The following LGR4 variants were observed in gnomAD, a reference collection of about 807,000 sequenced individuals.
The protein encoded by LGR4 is leucine-rich repeat-containing G protein-coupled receptor 4.
Under a neutral mutation model 84.8 loss-of-function variants are expected in LGR4, and 44 were observed. That is an observed-to-expected ratio of 0.52 (90% CI 0.41 to 0.67). The LOEUF is 0.67. LGR4 is among the 30% of genes least tolerant of loss of function. The pLI is 0.00. For synonymous variants in LGR4, 429 were observed against 434.3 expected (o/e 0.99, Z 0.15); for missense variants, 1,032 against 1,131.4 (o/e 0.91, Z 1.26).
At chr11:27,449,848 T>G (rs1342619178) in intron 1 of LGR4, among the ~76,000 whole-genome samples, 1 of 152,190 alleles carries the variant, frequency 6.6e-6, no homozygotes, top group African/African-American at 2.4e-5. Context: ...CTATGCTTCC[T>G]GATCAATATT....
chr11:27,417,173 A>G (rs531336087), intron 1 of LGR4, among the ~76,000 whole-genome samples: 1 of 152,248 alleles, frequency 6.6e-6, no homozygotes, highest in East Asian at 1.9e-4. Context: ...TATCTCAAAT[A>G]TTATCTGGCA....
In LGR4 at chr11:27,377,097, G is replaced by A. The variant is rs74917347; in HGVS notation, c.1109+61C>T. On this transcript the variant is annotated intron_variant, in intron 12 of 17. Coordinates refer to ENST00000379214, the MANE Select transcript of LGR4 (RefSeq NM_018490.5). ...TATTAAAGCCATCTATTAAAAATAC[G>A]AAATGCTCAACAAACTAACAATACA... The A allele has an allele frequency of 4.7e-3, 4,447 of 954,318 alleles. 141 individuals carry two copies. The African/African-American group carries it at 0.067, about 14-fold the overall frequency. The allele number at this position is 954,318 out of a possible 1,614,324, so 59.1% of individuals were successfully genotyped here. A position where few individuals can be genotyped will look rare whatever the true frequency, so the allele number is the denominator to read the frequency against.
intron 1 of LGR4, among the ~76,000 whole-genome samples, chr11:27,452,503 G>A (rs1244935450): frequency 2.6e-5 from 4 of 151,792 alleles, no homozygotes; most frequent in Admixed American, 1.3e-4. Flanking sequence ...GCCCTCCTGC[G>A]ACACTTTTCT....
chr11:27,442,427 G>C (rs1018308105), intron 1 of LGR4, among the ~76,000 whole-genome samples: 1 of 152,096 alleles, frequency 6.6e-6, no homozygotes, highest in Non-Finnish European at 1.5e-5. Context: ...CTACCTTGCC[G>C]CAAAACTTTA....
At chr11:27,422,098 C>T (rs779525272) in intron 1 of LGR4, among the ~76,000 whole-genome samples, 6 of 152,152 alleles carry the variant, frequency 3.9e-5, no homozygotes, top group Non-Finnish European at 8.8e-5. Flanking sequence ...CCAAAACACA[C>T]AGACAAAATA....
chr11:27,377,711 G>A (rs1007416147), intron 11 of LGR4, among the ~76,000 whole-genome samples: 7 of 152,020 alleles, frequency 4.6e-5, no homozygotes, highest in Non-Finnish European at 8.8e-5. Context: ...TTAAAAAACA[G>A]TTATATTACA....
intron 1 of LGR4, among the ~76,000 whole-genome samples, chr11:27,413,302 C>T (rs950097848): frequency 2.0e-5 from 3 of 152,100 alleles, no homozygotes; most frequent in Non-Finnish European, 4.4e-5. Context: ...CTACCCTAGT[C>T]ATATTTTCTT....
At chr11:27,456,589 A>C (rs1864580667) in intron 1 of LGR4, among the ~76,000 whole-genome samples, 1 of 152,200 alleles carries the variant, frequency 6.6e-6, no homozygotes, top group Non-Finnish European at 1.5e-5. Context: ...TTAGAAACAG[A>C]AAAGTGAGTC....
rs557463170 is a variant in LGR4 at position 27,450,715 on chromosome 11, G to A, written c.185+21403C>T. Among the ~76,000 whole-genome samples the A allele has an allele frequency of 4.1e-3, 622 of 152,256 alleles. 6 individuals carry two copies. Among genetic ancestry groups the A allele is most frequent in the Middle Eastern group, 0.01 (3 of 294 alleles). On this transcript the variant is annotated intron_variant, in intron 1 of 17. Transcript: ENST00000379214. ...AGGCAGGAGAATCCCTTGAACCCGG[G>A]AGGCAGAGGTTACGGTGAGCTGAGA...
At position 27,378,773 on chromosome 11, in the gene LGR4, G is replaced by A. The variant is rs764424769; in HGVS notation, c.972-5C>T. 5.1e-5 allele frequency: 81 copies of A among 1,600,866 alleles called. No homozygotes were observed. The highest frequency in any genetic ancestry group is 2.9e-4 in the Admixed American group (17 of 58,752). On this transcript the variant is annotated splice_polypyrimidine_tract_variant and splice_region_variant and intron_variant, in intron 10 of 17. Coordinates refer to ENST00000379214, the MANE Select transcript of LGR4 (RefSeq NM_018490.5). ...ATCTTTGTACCTGTCAAAGTCCTGC[G>A]GAAAAACATTATTCATGTAAGAAAT...
intron 6 of LGR4, 74 bp downstream of exon 6, chr11:27,384,262 C>A (rs1863148178): frequency 1.1e-6 from 1 of 943,502 alleles, no homozygotes; most frequent in East Asian, 2.4e-5. Flanking sequence ...ATATTTTTTT[C>A]TTTTTCTGCA....
chr11:27,379,742 C>T (rs574939110), intron 10 of LGR4, among the ~76,000 whole-genome samples: 18 of 152,284 alleles, frequency 1.2e-4, no homozygotes, highest in East Asian at 9.7e-4. Flanking sequence ...AAATGTGCAA[C>T]GTTCAAAGCT....
chr11:27,461,244 T>G (rs1273779044), intron 1 of LGR4, among the ~76,000 whole-genome samples: 1 of 151,950 alleles, frequency 6.6e-6, no homozygotes, highest in African/African-American at 2.4e-5. Context: ...GGCTCACACC[T>G]GTAATCCCAG....
chr11:27,445,742 G>A (rs1473095279), intron 1 of LGR4, among the ~76,000 whole-genome samples: 1 of 152,122 alleles, frequency 6.6e-6, no homozygotes, highest in Non-Finnish European at 1.5e-5. Flanking sequence ...TTCAAGCCTG[G>A]TGGTGCATGC....
intron 1 of LGR4, among the ~76,000 whole-genome samples, chr11:27,435,537 G>C (rs542039807): frequency 6.6e-6 from 1 of 151,560 alleles, no homozygotes; most frequent in East Asian, 2.0e-4. Context: ...GCCCAGGCTG[G>C]AGTGCAGTGG....
chr11:27,419,575 C>T (rs1313566114), intron 1 of LGR4, among the ~76,000 whole-genome samples: 1 of 79,636 alleles, frequency 1.3e-5, no homozygotes, highest in Admixed American at 1.0e-4. Context: ...ATTATATATA[C>T]ATAATTATAT....
At chr11:27,398,928 C>T (rs1421901446) in intron 2 of LGR4, among the ~76,000 whole-genome samples, 5 of 151,990 alleles carry the variant, frequency 3.3e-5, no homozygotes, top group Admixed American at 6.6e-5. Flanking sequence ...TTTTTTGAGA[C>T]GGAGTTTCAT....
At chr11:27,425,344 T>G (rs946420073) in intron 1 of LGR4, among the ~76,000 whole-genome samples, 6 of 151,896 alleles carry the variant, frequency 4.0e-5, no homozygotes, top group Admixed American at 3.9e-4. Flanking sequence ...TTTTGTTTTT[T>G]TTTTTGAAAC....
chr11:27,415,499 C>T (rs544507895), intron 1 of LGR4, among the ~76,000 whole-genome samples: 14 of 152,132 alleles, frequency 9.2e-5, no homozygotes, highest in African/African-American at 2.6e-4. Flanking sequence ...AGTAACAAGA[C>T]GTAACAGGTA....
Sources: allele counts gnomAD v4.1 joint callset (sites outside exome capture counted in the v4.1 genomes callset), GRCh38; gene constraint gnomAD v4.1.1; transcripts MANE v1.5; gene names NCBI Gene and HGNC (gene_info 2026-07-23, HGNC 2026-07-21).